The following GMCL1 variants were observed in gnomAD, a reference collection of about 807,000 sequenced individuals.
GMCL1 encodes germ cell-less 1, spermatogenesis associated, also known as germ cell-less protein-like 1.
GMCL1 carries 54 observed loss-of-function variants against 75.5 expected under a neutral mutation model. The ratio of observed to expected loss-of-function variants is 0.71; its 90% CI spans 0.57 to 0.90. The LOEUF (loss-of-function observed/expected upper bound fraction) is 0.90. Among genes scored for constraint, GMCL1 ranks in the 40% least tolerant of loss-of-function variants. The probability of loss-of-function intolerance (pLI) is 0.00; values close to 1 mark genes in which losing one functional copy is unlikely to be tolerated. For synonymous variants in GMCL1, 210 were observed against 209.6 expected, an observed-to-expected ratio of 1.00 and a Z score of -0.02; for missense variants, 537 against 622.7, an observed-to-expected ratio of 0.86 and a Z score of 1.47.
Position 69,829,705 on chromosome 2 carries a change from G to C in GMCL1, c.-188G>C, listed in dbSNP as rs968723014. The C allele has an allele frequency of 3.6e-5, 23 of 638,036 alleles. No homozygotes were observed. Among genetic ancestry groups the C allele is most frequent in the Non-Finnish European group, 5.7e-5 (22 of 385,478 alleles). 39.5% of individuals were successfully genotyped at this position (638,036 alleles called of 1,614,324 possible). A position where few individuals can be genotyped will look rare whatever the true frequency, so the allele number is the denominator to read the frequency against. The stretch of plus-strand genomic sequence containing the variant: ...GGGCGAGGTGCTGCGGTGCTAGAGC[G>C]CGGCGCGACCGGACGCTGCGGGCGG... On this transcript the variant is annotated 5_prime_UTR_variant, in exon 1 of 14. Coordinates refer to ENST00000282570, the MANE Select transcript of GMCL1 (RefSeq NM_178439.5).
chr2:69,834,831 G>T (rs368155906), intron 1 of GMCL1, among the ~76,000 whole-genome samples: 8 of 151,634 alleles, frequency 5.3e-5, no homozygotes, highest in Non-Finnish European at 1.0e-4. Context: ...TTCTTTCTGG[G>T]ATGCCTCTTA....
chr2:69,844,422 G>A lies in GMCL1; in HGVS notation c.758+226G>A, dbSNP rs569414579. 342 of 309,808 alleles carry A rather than the reference G, an allele frequency of 1.1e-3. 1 individual carries two copies. Among genetic ancestry groups the A allele is most frequent in the African/African-American group, 7.1e-3 (327 of 46,014 alleles). 19.2% of individuals were successfully genotyped at this position (309,808 alleles called of 1,614,324 possible). A position where few individuals can be genotyped will look rare whatever the true frequency, so the allele number is the denominator to read the frequency against. Reference sequence around the variant, plus strand: ...ATGTCTACTGTTTTAACCGAAAAATGCATTACTGTTATAAGACTATAGAAA... The same window carrying A: ...ATGTCTACTGTTTTAACCGAAAAATACATTACTGTTATAAGACTATAGAAA... On this transcript the variant is annotated intron_variant, in intron 6 of 13. Transcript: ENST00000282570.
chr2:69,860,662 GA>G (rs1252882370), intron 9 of GMCL1, among the ~76,000 whole-genome samples: 1 of 152,056 alleles, frequency 6.6e-6, no homozygotes, highest in Non-Finnish European at 1.5e-5. Context: ...CTATGAAAGG[GA>G]AAACGTTAAA....
At chr2:69,877,867 G>A (rs1173247603) in intron 13 of GMCL1, among the ~76,000 whole-genome samples, 1 of 152,160 alleles carries the variant, frequency 6.6e-6, no homozygotes, top group Non-Finnish European at 1.5e-5. Flanking sequence ...AGGAATACAT[G>A]TCTCAGTAAA....
intron 13 of GMCL1, chr2:69,873,763 T>G (rs1456312269): frequency 5.9e-6 from 1 of 168,374 alleles, no homozygotes; most frequent in African/African-American, 2.4e-5. Context: ...TGTTGTCCTC[T>G]GTCTTCTTCA....
chr2:69,866,756 C>T (rs1341758608), intron 11 of GMCL1, among the ~76,000 whole-genome samples: 1 of 152,164 alleles, frequency 6.6e-6, no homozygotes, highest in Non-Finnish European at 1.5e-5. Context: ...TGAGCCACCA[C>T]ACCCAGCCTA....
At chr2:69,833,020 T>A (rs542238495) in intron 1 of GMCL1, among the ~76,000 whole-genome samples, 1 of 152,212 alleles carries the variant, frequency 6.6e-6, no homozygotes, top group Admixed American at 6.5e-5. Context: ...GGTGTGGCTG[T>A]AGCCCACTGG....
At chr2:69,863,041 C>CT (rs977254690) in intron 10 of GMCL1, among the ~76,000 whole-genome samples, 4 of 152,138 alleles carry the variant, frequency 2.6e-5, no homozygotes, top group Admixed American at 6.5e-5. Context: ...AGATACTGCA[C>CT]TAGAATAAGT....
intron 6 of GMCL1, chr2:69,844,775 C>T (rs1361423361): frequency 1.5e-5 from 4 of 274,426 alleles, no homozygotes; most frequent in East Asian, 9.7e-5. Flanking sequence ...GCTGTGATTG[C>T]GACACTGCTC....
At position 69,829,904 on chromosome 2, in the gene GMCL1, G is replaced by T. The variant is rs761337153; in HGVS notation, c.12G>T (p.Leu4Phe). MGS[L>F]SSRVLRQPRP... Reference sequence around the variant, plus strand: ...GGGAGCCGTGACCCATGGGATCGTTGAGCAGCCGGGTGCTGCGCCAGCCAA... The same window carrying T: ...GGGAGCCGTGACCCATGGGATCGTTTAGCAGCCGGGTGCTGCGCCAGCCAA... The change falls in exon 1 of 14, where the codon TTG (leucine) becomes TTT (phenylalanine). Residue 4 changes from leucine to phenylalanine, a missense_variant. Transcript: ENST00000282570. The T allele has an allele frequency of 6.9e-6, 11 of 1,600,114 alleles. No individual in the cohort carries two copies. In the Admixed American group the frequency reaches 1.9e-4, roughly 27 times the overall value.
At position 69,829,810 on chromosome 2, in the gene GMCL1, C is replaced by A. The variant is rs1425446762; in HGVS notation, c.-83C>A. On this transcript the variant is annotated 5_prime_UTR_variant, in exon 1 of 14. Coordinates refer to ENST00000282570, the MANE Select transcript of GMCL1 (RefSeq NM_178439.5). The stretch of plus-strand genomic sequence containing the variant: ...AGGTGGCGGTGTAGGCACCTGCGCT[C>A]GGGGAAGGCTGGCGGCGGCGGCCGA... The A allele has an allele frequency of 8.4e-6, 12 of 1,428,098 alleles. No individual in the cohort carries two copies. In the East Asian group the frequency reaches 2.2e-4, roughly 27 times the overall value. 88.5% of individuals were successfully genotyped at this position (1,428,098 alleles called of 1,614,324 possible).
chr2:69,841,371 CAATT>C (rs57858263), intron 4 of GMCL1, among the ~76,000 whole-genome samples: 8,046 of 152,112 alleles, frequency 0.053, 697 homozygotes, highest in African/African-American at 0.19. Context: ...TTATGATTAC[CAATT>C]AATTTCATTC....
chr2:69,831,477 C>G lies in GMCL1; in HGVS notation c.260+1325C>G, dbSNP rs111258254. Among the ~76,000 whole-genome samples the G allele has an allele frequency of 6.2e-3, 948 of 152,132 alleles. 13 individuals carry two copies. The highest frequency in any genetic ancestry group is 0.021 in the African/African-American group (884 of 41,474). On this transcript the variant is annotated intron_variant, in intron 1 of 13. Transcript: ENST00000282570. ...CTCACTATATTGCCCAGGCTGGTCT[C>G]AAACGCCTGGGTTGAAGCGATCCTC...
rs1573381063 is a variant in GMCL1 at position 69,879,981 on chromosome 2, A to G, written c.*977A>G. 1.3e-5 allele frequency: 2 copies of G among 152,216 alleles called. No homozygotes were observed. The highest frequency in any genetic ancestry group is 2.9e-5 in the Non-Finnish European group (2 of 68,022). The allele number at this position is 152,216 out of a possible 1,614,324, so 9.4% of individuals were successfully genotyped here. ...TGACACATGCTAATAGAAATTTCAT[A>G]GTAAATGTAAATAAGGTCAGAGGAT... On this transcript the variant is annotated 3_prime_UTR_variant, in exon 14 of 14. Transcript: ENST00000282570.
intron 11 of GMCL1, 63 bp from the exon 12 acceptor site, chr2:69,869,655 AT>A (rs1402600683): frequency 9.2e-6 from 14 of 1,513,602 alleles, no homozygotes; most frequent in Non-Finnish European, 1.3e-5. Flanking sequence ...GACATTTTGA[AT>A]TTTTTATTTT....
At chr2:69,860,967 C>A (rs1320748595) in intron 9 of GMCL1, among the ~76,000 whole-genome samples, 1 of 152,176 alleles carries the variant, frequency 6.6e-6, no homozygotes, top group Non-Finnish European at 1.5e-5. Flanking sequence ...CTCAGCCCCC[C>A]AAGTAGTTGG....
chr2:69,832,912 T>C (rs1470741691), intron 1 of GMCL1, among the ~76,000 whole-genome samples: 1 of 152,240 alleles, frequency 6.6e-6, no homozygotes, highest in African/African-American at 2.4e-5. Flanking sequence ...TAGTAGTCAG[T>C]ACTTCTAAGG....
chr2:69,877,912 G>C (rs528715141), intron 13 of GMCL1, among the ~76,000 whole-genome samples: 2 of 152,302 alleles, frequency 1.3e-5, no homozygotes, highest in East Asian at 1.9e-4. Context: ...GTGTTTAATA[G>C]TATCTTATCC....
chr2:69,848,914 C>T (rs931555743), intron 7 of GMCL1, among the ~76,000 whole-genome samples: 7 of 152,100 alleles, frequency 4.6e-5, no homozygotes, highest in Admixed American at 2.0e-4. Flanking sequence ...ACCTACTCTG[C>T]GTATTATCTC....
Sources: allele counts gnomAD v4.1 joint callset (sites outside exome capture counted in the v4.1 genomes callset), GRCh38; gene constraint gnomAD v4.1.1; transcripts MANE v1.5; gene names NCBI Gene and HGNC (gene_info 2026-07-23, HGNC 2026-07-21).